The following PRKN variants were observed in gnomAD, a reference collection of about 807,000 sequenced individuals.
PRKN encodes the protein parkin RBR E3 ubiquitin protein ligase.
Under a neutral mutation model 59.5 loss-of-function variants are expected in PRKN, and 56 were observed. That is an observed-to-expected ratio of 0.94 (90% confidence interval 0.76 to 1.18). PRKN has a LOEUF of 1.18. Among genes scored for constraint, PRKN ranks in the 50% most tolerant of loss-of-function variants. The pLI is 0.00. For missense variants in PRKN, 657 were observed against 596.4 expected (o/e 1.10, Z -1.06); for synonymous variants, 250 against 222.1 (o/e 1.13, Z -1.12).
In PRKN at chr6:161,386,981, C is replaced by T. The variant is rs1158387395; in HGVS notation, c.1084-104G>A. On this transcript the variant is annotated intron_variant, in intron 9 of 11. Coordinates refer to ENST00000366898, the MANE Select transcript of PRKN (RefSeq NM_004562.3). The surrounding 1 kb of genome is among the most constrained non-coding windows in gnomAD (Gnocchi z 4.3). Reference sequence around the variant, plus strand: ...ATTATATTCATTCCTCTGGCTTGTGCAACAGTTTCTGTATAAAAATACTTT... The same window carrying T: ...ATTATATTCATTCCTCTGGCTTGTGTAACAGTTTCTGTATAAAAATACTTT... 9 of 905,254 alleles carry T rather than the reference C, an allele frequency of 9.9e-6. No individual in the cohort carries two copies. The Admixed American group carries it at 1.1e-4, about 11-fold the overall frequency. The allele number at this position is 905,254 out of a possible 1,614,324, so 56.1% of individuals were successfully genotyped here.
chr6:161,877,886 C>T (rs115166174), intron 6 of PRKN, among the ~76,000 whole-genome samples: 1,657 of 152,164 alleles, frequency 0.011, 38 homozygotes, highest in African/African-American at 0.038. Context: ...CCCCTAAATT[C>T]CCCCGTGTAG....
rs543124140 is a variant in PRKN at position 161,503,391 on chromosome 6, T to C, written c.1083+45463A>G. On this transcript the variant is annotated intron_variant, in intron 9 of 11. Transcript: ENST00000366898. This position sits in a 1 kb window ranked among gnomAD's most constrained non-coding sequence, Gnocchi z 5.1. ...CACACTGTGCTCTTTCTGTGGGTTA[T>C]TCAGGTCATTCTCACCACAAATATA... Among the ~76,000 whole-genome samples, 2 of 152,342 alleles carry C rather than the reference T, an allele frequency of 1.3e-5. No homozygotes were observed. Among genetic ancestry groups the C allele is most frequent in the East Asian group, 3.9e-4 (2 of 5,182 alleles).
chr6:162,326,314 G>A (rs2128123343), intron 2 of PRKN, among the ~76,000 whole-genome samples: 1 of 152,166 alleles, frequency 6.6e-6, no homozygotes, highest in East Asian at 1.9e-4. Context: ...AAGTCATGCA[G>A]CATTTTAATG....
intron 1 of PRKN, among the ~76,000 whole-genome samples, chr6:162,701,832 TAC>T (rs59726370): frequency 0.7 from 103,911 of 147,756 alleles, 36,672 homozygotes; most frequent in Admixed American, 0.79. Flanking sequence ...TTCACATACA[TAC>T]ACACACACAC....
chr6:161,998,598 C>A (rs1379904749), intron 5 of PRKN, among the ~76,000 whole-genome samples: 1 of 152,084 alleles, frequency 6.6e-6, no homozygotes, highest in Non-Finnish European at 1.5e-5. Flanking sequence ...CAGGTAGCTA[C>A]TGTTTCATTA....
At chr6:161,438,507 C>T (rs189520098) in intron 9 of PRKN, among the ~76,000 whole-genome samples, 11 of 152,040 alleles carry the variant, frequency 7.2e-5, no homozygotes, top group African/African-American at 2.4e-4. Flanking sequence ...TCAGCCACTG[C>T]GCCCGGCTGA....
chr6:162,485,973 G>T (rs1050062240), intron 1 of PRKN, among the ~76,000 whole-genome samples: 1 of 152,200 alleles, frequency 6.6e-6, no homozygotes, highest in Non-Finnish European at 1.5e-5. Context: ...CTATTAAGTT[G>T]CATTCACACA....
At chr6:161,600,535 C>T (rs1583278579) in intron 7 of PRKN, among the ~76,000 whole-genome samples, 1 of 152,086 alleles carries the variant, frequency 6.6e-6, no homozygotes, top group African/African-American at 2.4e-5. Context: ...TATTGATATA[C>T]CCAGACAGTA....
chr6:161,494,419 G>C (rs1777668738), intron 9 of PRKN, among the ~76,000 whole-genome samples: 1 of 152,150 alleles, frequency 6.6e-6, no homozygotes, highest in Admixed American at 6.5e-5. Context: ...CATGCCTGTG[G>C]AACAAGGGAC....
intron 6 of PRKN, among the ~76,000 whole-genome samples, chr6:161,948,974 AT>A (rs1334586422): frequency 6.6e-6 from 1 of 152,176 alleles, no homozygotes; most frequent in Non-Finnish European, 1.5e-5. Flanking sequence ...GAGCTCTCTG[AT>A]TTCTACGGGG....
intron 6 of PRKN, among the ~76,000 whole-genome samples, chr6:161,946,386 T>TCACA (rs368190954): frequency 0.01 from 1,173 of 113,356 alleles, 20 homozygotes; most frequent in African/African-American, 0.026. Context: ...TGCATGCACA[T>TCACA]CACACACACA....
At chr6:162,701,704 A>G (rs2023036) in intron 1 of PRKN, among the ~76,000 whole-genome samples, 125,946 of 151,564 alleles carry the variant, frequency 0.83, 52,658 homozygotes, top group East Asian at 0.98. Context: ...TTTTTTTGAC[A>G]TCAGTGTACA....
At chr6:162,192,367 T>C (rs965435045) in intron 4 of PRKN, among the ~76,000 whole-genome samples, 1 of 150,330 alleles carries the variant, frequency 6.7e-6, no homozygotes, top group Non-Finnish European at 1.5e-5. Flanking sequence ...TATACAAATA[T>C]CATAACAATT....
At chr6:162,394,337 A>C (rs1787367031) in intron 2 of PRKN, among the ~76,000 whole-genome samples, 2 of 152,104 alleles carry the variant, frequency 1.3e-5, no homozygotes, top group Admixed American at 1.3e-4. Flanking sequence ...ACGTACTTCC[A>C]CGAGCTTCGG....
At chr6:162,125,246 A>T (rs1373472121) in intron 4 of PRKN, among the ~76,000 whole-genome samples, 1 of 152,202 alleles carries the variant, frequency 6.6e-6, no homozygotes, top group Non-Finnish European at 1.5e-5. Context: ...TTCAGAATCC[A>T]GCCCCGGAGC....
chr6:161,741,150 C>T (rs1788166764), intron 7 of PRKN, among the ~76,000 whole-genome samples: 1 of 152,200 alleles, frequency 6.6e-6, no homozygotes, highest in South Asian at 2.1e-4. Context: ...ATCGTCCTTG[C>T]AGTCATTCAT....
At chr6:162,355,213 G>A (rs1282640297) in intron 2 of PRKN, among the ~76,000 whole-genome samples, 1 of 151,536 alleles carries the variant, frequency 6.6e-6, no homozygotes, top group Non-Finnish European at 1.5e-5. Flanking sequence ...AATTATAGGT[G>A]TTTGAAATTA....
chr6:161,401,847 C>A lies in PRKN; in HGVS notation c.1084-14970G>T, dbSNP rs1787065295. Among the ~76,000 whole-genome samples, 1 of 152,132 alleles carries A rather than the reference C, an allele frequency of 6.6e-6. No homozygotes were observed. The highest frequency in any genetic ancestry group is 2.4e-5 in the African/African-American group (1 of 41,404). On this transcript the variant is annotated intron_variant, in intron 9 of 11. Coordinates refer to ENST00000366898, the MANE Select transcript of PRKN (RefSeq NM_004562.3). This position sits in a 1 kb window ranked among gnomAD's most constrained non-coding sequence, Gnocchi z 4.4. ...CCCTAAATGATTATTCATGAATGTT[C>A]TGGCTCAAAGGAGGAGAGAGAAGAT...
At chr6:161,683,602 A>C (rs1478743508) in intron 7 of PRKN, among the ~76,000 whole-genome samples, 1 of 152,188 alleles carries the variant, frequency 6.6e-6, no homozygotes, top group Non-Finnish European at 1.5e-5. Context: ...GAACGCTTGT[A>C]AGTCAGACCT....
Sources: gnomAD v4.1 joint callset for allele counts (sites outside exome capture counted in the v4.1 genomes callset) on GRCh38, gnomAD v4.1.1 for gene constraint, Gnocchi (gnomAD v3.1) non-coding constraint, MANE v1.5 for transcripts, NCBI Gene and HGNC (gene_info 2026-07-23, HGNC 2026-07-21) for gene names.